CORIN: variants seen among roughly 807,000 people sequenced by gnomAD.
CORIN encodes atrial natriuretic peptide-converting enzyme.
CORIN carries 117 observed loss-of-function variants against 125.3 expected under a neutral mutation model. The ratio of observed to expected loss-of-function variants is 0.93; its 90% CI spans 0.80 to 1.09. CORIN has a LOEUF of 1.09. CORIN is among the 50% of genes least tolerant of loss of function. The pLI is 0.00. For missense variants in CORIN, 1,253 were observed against 1,306.7 expected (o/e 0.96, Z 0.63); for synonymous variants, 450 against 466.4 (o/e 0.96, Z 0.45).
At chr4:47,654,822 T>C (rs568844147) in intron 12 of CORIN, among the ~76,000 whole-genome samples, 1 of 152,110 alleles carries the variant, frequency 6.6e-6, no homozygotes, top group East Asian at 2.0e-4. Flanking sequence ...TGCAACCTAG[T>C]GCATGCCGCA....
At chr4:47,707,962 T>C (rs1420563734) in intron 5 of CORIN, among the ~76,000 whole-genome samples, 1 of 152,222 alleles carries the variant, frequency 6.6e-6, no homozygotes, top group African/African-American at 2.4e-5. Flanking sequence ...TTACCTTCAT[T>C]TTTCCATAGA....
chr4:47,670,952 G>T (rs909345483), intron 10 of CORIN, among the ~76,000 whole-genome samples: 1 of 152,114 alleles, frequency 6.6e-6, no homozygotes, highest in Non-Finnish European at 1.5e-5. Context: ...AAGAAATGTG[G>T]TTTTTAGGCT....
chr4:47,748,125 A>G (rs61762934), intron 4 of CORIN, among the ~76,000 whole-genome samples: 292 of 152,310 alleles, frequency 1.9e-3, no homozygotes, highest in Non-Finnish European at 3.1e-3. Context: ...GATATGTGAA[A>G]TAGTGATGGG....
intron 6 of CORIN, among the ~76,000 whole-genome samples, chr4:47,691,717 T>A (rs1332679845): frequency 6.6e-6 from 1 of 152,138 alleles, no homozygotes; most frequent in East Asian, 1.9e-4. Flanking sequence ...GAAGTAGACC[T>A]GATAGTATTT....
Position 47,838,056 on chromosome 4 carries a change from G to T in CORIN, c.-107C>A, listed in dbSNP as rs1733555911. 7.1e-6 allele frequency: 11 copies of T among 1,553,546 alleles called. No individual in the cohort carries two copies. In the South Asian group the frequency reaches 1.2e-4, roughly 17 times the overall value. On this transcript the variant is annotated 5_prime_UTR_variant, in exon 1 of 22. Transcript: ENST00000273857. ...TACGGATGATTTTCTCCAAGCTCAA[G>T]AGAGACAAACTGAACTTTAAGCGCC...
chr4:47,799,603 G>A (rs939535539), intron 2 of CORIN, among the ~76,000 whole-genome samples: 9 of 152,034 alleles, frequency 5.9e-5, no homozygotes, highest in African/African-American at 2.2e-4. Flanking sequence ...ACTTTATAAT[G>A]AGGTTATTTG....
chr4:47,605,894 G>T (rs1388499437), intron 19 of CORIN, among the ~76,000 whole-genome samples: 1 of 152,232 alleles, frequency 6.6e-6, no homozygotes, highest in East Asian at 1.9e-4. Flanking sequence ...AGTTAGGAAG[G>T]AGGAGCCAAG....
chr4:47,757,872 A>ATTATG (rs565318697), intron 4 of CORIN, among the ~76,000 whole-genome samples: 7,205 of 110,006 alleles, frequency 0.065, 279 homozygotes, highest in Middle Eastern at 0.1. Context: ...ATATACATAT[A>ATTATG]TATATGTATA....
chr4:47,648,313 C>A (rs1723578926), intron 13 of CORIN, among the ~76,000 whole-genome samples: 1 of 152,102 alleles, frequency 6.6e-6, no homozygotes, highest in African/African-American at 2.4e-5. Context: ...ATAGCAACAA[C>A]CAATAATTGA....
At chr4:47,676,373 T>C (rs749183004) in intron 9 of CORIN, among the ~76,000 whole-genome samples, 6 of 152,208 alleles carry the variant, frequency 3.9e-5, no homozygotes, top group Non-Finnish European at 8.8e-5. Flanking sequence ...CCGTTCTTTT[T>C]GGTTAACCCC....
intron 3 of CORIN, among the ~76,000 whole-genome samples, chr4:47,765,109 A>C (rs1729653951): frequency 1.3e-5 from 2 of 152,118 alleles, no homozygotes; most frequent in Non-Finnish European, 2.9e-5. Flanking sequence ...CAGGAGACTG[A>C]GACCATCCTG....
At chr4:47,673,207 TAAATAAA>T (rs1426531319) in intron 10 of CORIN, among the ~76,000 whole-genome samples, 1 of 149,960 alleles carries the variant, frequency 6.7e-6, no homozygotes, top group Non-Finnish European at 1.5e-5. Flanking sequence ...AATAAATAAA[TAAATAAA>T]TAAATAAATA....
At chr4:47,772,481 T>C (rs577910968) in intron 3 of CORIN, among the ~76,000 whole-genome samples, 83 of 152,344 alleles carry the variant, frequency 5.4e-4, no homozygotes, top group African/African-American at 1.9e-3. Context: ...CCTTGCCCCA[T>C]AAAATCATCC....
At chr4:47,667,663 AT>A (rs917160455) in intron 10 of CORIN, among the ~76,000 whole-genome samples, 27 of 152,304 alleles carry the variant, frequency 1.8e-4, no homozygotes, top group African/African-American at 5.3e-4. Flanking sequence ...TGTTGGCCTG[AT>A]TAAAAAAAAA....
intron 13 of CORIN, among the ~76,000 whole-genome samples, chr4:47,649,056 G>C (rs1723617548): frequency 6.6e-6 from 1 of 152,162 alleles, no homozygotes; most frequent in South Asian, 2.1e-4. Flanking sequence ...TGATTATCAG[G>C]GCAGCCATAC....
intron 2 of CORIN, among the ~76,000 whole-genome samples, chr4:47,800,638 G>A (rs1036077940): frequency 1.3e-4 from 20 of 152,170 alleles, no homozygotes; most frequent in Admixed American, 6.5e-4. Context: ...AGAAGAGAGT[G>A]GCAGAGACGA....
chr4:47,705,588 C>T (rs916209456), intron 5 of CORIN, among the ~76,000 whole-genome samples: 2 of 152,134 alleles, frequency 1.3e-5, no homozygotes, highest in Non-Finnish European at 2.9e-5. Flanking sequence ...AAACTGATTT[C>T]GACGTGGCCA....
chr4:47,779,633 A>G (rs1248225473), intron 3 of CORIN, among the ~76,000 whole-genome samples: 6 of 151,864 alleles, frequency 4.0e-5, no homozygotes, highest in Non-Finnish European at 8.8e-5. Flanking sequence ...ACAAGGTTTC[A>G]CCATGTTGGT....
intron 2 of CORIN, among the ~76,000 whole-genome samples, chr4:47,787,323 C>T (rs1275996551): frequency 3.9e-5 from 6 of 152,144 alleles, no homozygotes; most frequent in Non-Finnish European, 7.3e-5. Context: ...TCTCACCGGT[C>T]ATTGTTTGCT....
Sources: allele counts gnomAD v4.1 joint callset (sites outside exome capture counted in the v4.1 genomes callset), GRCh38; gene constraint gnomAD v4.1.1; transcripts MANE v1.5; gene names NCBI Gene and HGNC (gene_info 2026-07-23, HGNC 2026-07-21).